Variants in PDSS2 observed in about 807,000 individuals in gnomAD.
PDSS2 encodes the protein all trans-polyprenyl-diphosphate synthase PDSS2.
In PDSS2, 31 loss-of-function variants were observed where a neutral mutation model predicts 44.5. The ratio of observed to expected loss-of-function variants is 0.70; its 90% CI spans 0.52 to 0.94. The LOEUF is 0.94. Among genes scored for constraint, PDSS2 ranks in the 40% least tolerant of loss-of-function variants. The probability of loss-of-function intolerance (pLI) is 0.00; values close to 1 mark genes in which losing one functional copy is unlikely to be tolerated. For missense variants in PDSS2, 452 were observed against 482.2 expected (o/e 0.94, Z 0.59); for synonymous variants, 157 against 180.3 (o/e 0.87, Z 1.03).
At position 107,409,599 on chromosome 6, in the gene PDSS2, T is replaced by A. The variant is rs570402725; in HGVS notation, c.296+49391A>T. 8.5e-5 allele frequency among the ~76,000 whole-genome samples: 13 copies of A among 152,262 alleles called. 1 individual carries two copies. In the South Asian group the frequency reaches 1.5e-3, roughly 17 times the overall value. ...GAGAGTCAGAATTCTTCCTTAAACT[T>A]AACCCAGTTAACGTATTCACCATCA... On this transcript the variant is annotated intron_variant, in intron 1 of 7. Coordinates refer to ENST00000369037, the MANE Select transcript of PDSS2 (RefSeq NM_020381.4).
intron 7 of PDSS2, chr6:107,192,341 C>CTCTGAGACCCCAAAAGCTGCAGAG (rs1427808162): frequency 9.7e-6 from 5 of 515,250 alleles, no homozygotes; most frequent in Non-Finnish European, 2.0e-5. Context: ...ACTTGACAGC[C>CTCTGAGACCCCAAAAGCTGCAGAG]TCTGAGACCC....
At chr6:107,348,650 T>C (rs1377643028) in intron 1 of PDSS2, among the ~76,000 whole-genome samples, 2 of 152,246 alleles carry the variant, frequency 1.3e-5, no homozygotes, top group Non-Finnish European at 2.9e-5. Context: ...CAATGTTCAC[T>C]TCATGTTTCT....
chr6:107,451,665 C>T (rs545890131), intron 1 of PDSS2, among the ~76,000 whole-genome samples: 26 of 152,300 alleles, frequency 1.7e-4, no homozygotes, highest in African/African-American at 6.3e-4. Flanking sequence ...GCACCACTAC[C>T]TTTCTACTCT....
At chr6:107,403,931 C>T (rs917192709) in intron 1 of PDSS2, among the ~76,000 whole-genome samples, 19 of 152,208 alleles carry the variant, frequency 1.2e-4, no homozygotes, top group African/African-American at 4.6e-4. Flanking sequence ...TTTGGCTTCT[C>T]ATTACTTATC....
intron 4 of PDSS2, among the ~76,000 whole-genome samples, chr6:107,227,867 A>C (rs1275913638): frequency 6.6e-6 from 1 of 152,184 alleles, no homozygotes; most frequent in African/African-American, 2.4e-5. Context: ...TGAGAACTTC[A>C]AGTGGAGGTG....
chr6:107,285,779 T>C (rs1331881734), intron 2 of PDSS2, among the ~76,000 whole-genome samples: 1 of 152,026 alleles, frequency 6.6e-6, no homozygotes, highest in African/African-American at 2.4e-5. Context: ...TAGGAAAACA[T>C]CCTTATGGAC....
intron 4 of PDSS2, among the ~76,000 whole-genome samples, chr6:107,234,961 T>C (rs999806809): frequency 6.6e-6 from 1 of 152,208 alleles, no homozygotes; most frequent in Non-Finnish European, 1.5e-5. Context: ...TTTTCTTTCT[T>C]GCTTGAAAGA....
intron 1 of PDSS2, among the ~76,000 whole-genome samples, chr6:107,384,908 G>T (rs1779566648): frequency 6.6e-6 from 1 of 152,066 alleles, no homozygotes; most frequent in Non-Finnish European, 1.5e-5. Flanking sequence ...GTTAATTTAA[G>T]GAATTATTAG....
At chr6:107,273,152 T>G (rs1254614809) in intron 3 of PDSS2, among the ~76,000 whole-genome samples, 1 of 152,040 alleles carries the variant, frequency 6.6e-6, no homozygotes, top group Non-Finnish European at 1.5e-5. Context: ...GCCCAGTTAA[T>G]TTTTTATTTT....
At chr6:107,436,920 C>T (rs2353524) in intron 1 of PDSS2, among the ~76,000 whole-genome samples, 49,747 of 151,866 alleles carry the variant, frequency 0.33, 9,048 homozygotes, top group African/African-American at 0.5. Flanking sequence ...TAATTTACTA[C>T]GACAGATGAT....
At chr6:107,297,384 A>AT (rs752620723) in intron 2 of PDSS2, among the ~76,000 whole-genome samples, 7,700 of 144,204 alleles carry the variant, frequency 0.053, 429 homozygotes, top group East Asian at 0.19. Context: ...GTGGGAGTGA[A>AT]TTTTTTTTTT....
chr6:107,157,827 CG>C (rs1770962716), intron 7 of PDSS2, among the ~76,000 whole-genome samples: 2 of 152,012 alleles, frequency 1.3e-5, no homozygotes. Context: ...CCCGCCACCA[CG>C]CCTGGCTAAT....
chr6:107,356,936 C>T (rs952797458), intron 1 of PDSS2, among the ~76,000 whole-genome samples: 10 of 152,106 alleles, frequency 6.6e-5, no homozygotes, highest in African/African-American at 2.4e-4. Context: ...GTGCTATTAA[C>T]TCATCATAAT....
chr6:107,416,206 C>T (rs1484330830), intron 1 of PDSS2, among the ~76,000 whole-genome samples: 1 of 151,974 alleles, frequency 6.6e-6, no homozygotes, highest in African/African-American at 2.4e-5. Context: ...GTGTCTAATC[C>T]TTTTTTTCAA....
At chr6:107,391,358 T>C (rs1398264154) in intron 1 of PDSS2, among the ~76,000 whole-genome samples, 2 of 152,166 alleles carry the variant, frequency 1.3e-5, no homozygotes, top group East Asian at 3.8e-4. Flanking sequence ...ACCTCCTTCT[T>C]TCCTGGCTAG....
chr6:107,277,977 T>A (rs531820186), intron 2 of PDSS2, among the ~76,000 whole-genome samples: 74 of 148,252 alleles, frequency 5.0e-4, no homozygotes, highest in African/African-American at 1.5e-3. Context: ...AATGAATAAA[T>A]AAAATAAATA....
At chr6:107,249,576 A>G (rs1362170242) in intron 3 of PDSS2, among the ~76,000 whole-genome samples, 1 of 152,154 alleles carries the variant, frequency 6.6e-6, no homozygotes, top group Non-Finnish European at 1.5e-5. Context: ...AGCATTGCTT[A>G]CCTACACATG....
At chr6:107,376,892 A>G in intron 1 of PDSS2, among the ~76,000 whole-genome samples, 1 of 152,128 alleles carries the variant, frequency 6.6e-6, no homozygotes, top group African/African-American at 2.4e-5. Flanking sequence ...TTAATTCAAG[A>G]TGGATTAAAG....
At chr6:107,161,993 C>T (rs782281200) in intron 7 of PDSS2, among the ~76,000 whole-genome samples, 3 of 152,264 alleles carry the variant, frequency 2.0e-5, no homozygotes, top group Admixed American at 6.5e-5. Context: ...TAAATACTCC[C>T]ATTATGGCTG....
Sources: allele counts gnomAD v4.1 joint callset (sites outside exome capture counted in the v4.1 genomes callset), GRCh38; gene constraint gnomAD v4.1.1; transcripts MANE v1.5; gene names NCBI Gene and HGNC (gene_info 2026-07-23, HGNC 2026-07-21).